SCN2A: variants seen among roughly 807,000 people sequenced by gnomAD.
SCN2A encodes sodium voltage-gated channel alpha subunit 2.
In SCN2A, 20 loss-of-function variants were observed where a neutral mutation model predicts 188.7. The ratio of observed to expected loss-of-function variants is 0.11; its 90% CI spans 0.07 to 0.15. The LOEUF (loss-of-function observed/expected upper bound fraction) is 0.15, where lower values mean the gene tolerates loss of function less well. SCN2A is among the 10% of genes least tolerant of loss of function. The pLI is 1.00. For missense variants in SCN2A, 1,278 were observed against 2,445.0 expected (o/e 0.52, Z 10.07); for synonymous variants, 804 against 833.1 (o/e 0.97, Z 0.60).
intron 18 of SCN2A, 76 bp from the exon 19 acceptor site, chr2:165,367,141 A>G: frequency 1.4e-6 from 2 of 1,403,966 alleles, no homozygotes; most frequent in Admixed American, 3.4e-5. Context: ...AATAATGTAA[A>G]TGAATCTCCC....
intron 1 of SCN2A, among the ~76,000 whole-genome samples, chr2:165,288,730 A>G (rs73969335): frequency 0.022 from 2,150 of 97,086 alleles, 43 homozygotes; most frequent in African/African-American, 0.058. Flanking sequence ...GGATACATAT[A>G]CATGTGTGTG....
intron 1 of SCN2A, among the ~76,000 whole-genome samples, chr2:165,254,082 T>G (rs1251826313): frequency 3.3e-5 from 5 of 151,908 alleles, no homozygotes; most frequent in African/African-American, 1.2e-4. Flanking sequence ...CTTAGTGATA[T>G]ATTGATGTAA....
At chr2:165,320,860 C>G (rs908941293) in intron 11 of SCN2A, among the ~76,000 whole-genome samples, 3 of 152,196 alleles carry the variant, frequency 2.0e-5, no homozygotes, top group African/African-American at 7.2e-5. Flanking sequence ...GCAAAGATCT[C>G]TGACATGCCC....
intron 17 of SCN2A, among the ~76,000 whole-genome samples, chr2:165,357,823 A>G (rs903300305): frequency 6.6e-6 from 1 of 152,160 alleles, no homozygotes; most frequent in African/African-American, 2.4e-5. Flanking sequence ...GTGTTTTTTA[A>G]CCAGCCAGAG....
At chr2:165,375,368 A>AGTGTGT (rs3030660) in intron 22 of SCN2A, among the ~76,000 whole-genome samples, 13 of 149,712 alleles carry the variant, frequency 8.7e-5, no homozygotes, top group East Asian at 2.0e-4. Context: ...GATAAAGAAA[A>AGTGTGT]GTGTGTGTGT....
At chr2:165,355,913 C>CTGAGGCTGAG (rs1700158938) in intron 17 of SCN2A, among the ~76,000 whole-genome samples, 1 of 151,012 alleles carries the variant, frequency 6.6e-6, no homozygotes. Context: ...GCAAGAGAAT[C>CTGAGGCTGAG]GCTTGAACCC....
chr2:165,310,443 A>G lies in SCN2A; in HGVS notation c.818A>G (p.Asn273Ser), dbSNP rs1697366709. ...ATAGGATTGCAGTTGTTCATGGGCA[A>G]CCTACGAAATAAATGTTTGCAATGG... ...ALIGLQLFMG[N>S]LRNKCLQWPP... is the part of the protein sequence containing the mutation. Residue 273 changes from asparagine (N) to serine (S), a missense_variant, in exon 7 of 27, where the codon AAC becomes AGC. Physicochemically the swap from Asn to Ser is conservative, Grantham distance 46. Around this residue, in one of 17 missense-constraint regions of SCN2A, gnomAD observed 37 missense variants for 154.9 expected, o/e 0.24. Transcript: ENST00000375437. 6.2e-7 allele frequency: 1 copy of G among 1,613,692 alleles called. No individual in the cohort carries two copies. Among genetic ancestry groups the G allele is most frequent in the African/African-American group, 1.3e-5 (1 of 75,006 alleles).
At chr2:165,381,069 C>G (rs746961053) in intron 24 of SCN2A, 24 bp from the exon 25 acceptor site, 4 of 1,470,920 alleles carry the variant, frequency 2.7e-6, no homozygotes, top group Admixed American at 1.9e-5. Flanking sequence ...ACAATTTTAA[C>G]AAGTGTTGCT....
intron 13 of SCN2A, chr2:165,328,609 TA>T: frequency 6.2e-6 from 4 of 643,984 alleles, no homozygotes; most frequent in Non-Finnish European, 7.7e-6. Flanking sequence ...AGACATTACT[TA>T]AAAAACCTCA....
At chr2:165,365,323 A>C in intron 18 of SCN2A, 60 bp downstream of exon 18, 1 of 1,584,190 alleles carries the variant, frequency 6.3e-7, no homozygotes, top group Non-Finnish European at 8.7e-7. Flanking sequence ...ATTTTTTCCT[A>C]TTTATTTAAA....
In SCN2A at chr2:165,344,629, G is replaced by A. The variant is rs1490972796; in HGVS notation, c.2637G>A (p.Gly879=). Residue 879 remains glycine, a synonymous_variant, in exon 16 of 27, where the codon GGG becomes GGA. Coordinates refer to ENST00000375437, the MANE Select transcript of SCN2A (RefSeq NM_001040142.2). ...MLIKIIGNSV[G]ALGNLTLVLA... ...TTAAGATCATTGGCAATTCTGTGGG[G>A]GCTCTAGGAAACCTCACCTTGGTAT... 6 of 1,614,002 alleles carry A rather than the reference G, an allele frequency of 3.7e-6. No homozygotes were observed. Among genetic ancestry groups the A allele is most frequent in the South Asian group, 2.2e-5 (2 of 91,072 alleles).
At position 165,323,236 on chromosome 2, in the gene SCN2A, A is replaced by G. The variant is rs754939104; in HGVS notation, c.1752A>G (p.Ala584=). 2 of 1,614,228 alleles carry G rather than the reference A, an allele frequency of 1.2e-6. No homozygotes were observed. The highest frequency in any genetic ancestry group is 1.7e-5 in the Admixed American group (1 of 60,022). The change falls in exon 12 of 27, where the codon GCA becomes GCG. Residue 584 remains alanine, a synonymous_variant. Coordinates refer to ENST00000375437, the MANE Select transcript of SCN2A (RefSeq NM_001040142.2). ...RASLFSFRGR[A]KDIGSENDFA... ...GCCTTTTCAGCTTCAGAGGTCGAGCAAAGGACATTGGCTCTGAGAATGACT... is the reference window on the plus strand; with the variant it reads ...GCCTTTTCAGCTTCAGAGGTCGAGCGAAGGACATTGGCTCTGAGAATGACT...
intron 10 of SCN2A, 82 bp downstream of exon 10, chr2:165,314,190 T>G (rs1272204048): frequency 7.1e-7 from 1 of 1,411,282 alleles, no homozygotes; most frequent in African/African-American, 1.4e-5. Context: ...GGCAAGGTAG[T>G]TGACATTAGA....
At chr2:165,370,038 A>G (rs528420833) in intron 19 of SCN2A, 88 bp from the exon 20 acceptor site, 208 of 1,165,504 alleles carry the variant, frequency 1.8e-4, no homozygotes, top group Admixed American at 3.9e-5. Flanking sequence ...GGCACCTGAT[A>G]AGAGCTTGCA....
At chr2:165,325,463 G>T (rs1018607293) in intron 12 of SCN2A, among the ~76,000 whole-genome samples, 15 of 152,134 alleles carry the variant, frequency 9.9e-5, no homozygotes, top group Admixed American at 2.6e-4. Flanking sequence ...ATAGCTATGG[G>T]CAAATGACAC....
At chr2:165,293,565 A>G (rs1696327693) in intron 1 of SCN2A, among the ~76,000 whole-genome samples, 1 of 152,206 alleles carries the variant, frequency 6.6e-6, no homozygotes, top group Non-Finnish European at 1.5e-5. Flanking sequence ...ACAGTAAAAA[A>G]TATGGTATTA....
chr2:165,368,712 C>G (rs1700861515), intron 19 of SCN2A, among the ~76,000 whole-genome samples: 1 of 152,052 alleles, frequency 6.6e-6, no homozygotes, highest in African/African-American at 2.4e-5. Flanking sequence ...ATGATATGAC[C>G]TATTTTCTTA....
At chr2:165,292,284 T>A (rs1470367321) in intron 1 of SCN2A, among the ~76,000 whole-genome samples, 4 of 152,258 alleles carry the variant, frequency 2.6e-5, no homozygotes, top group African/African-American at 9.6e-5. Flanking sequence ...TTGGGCTACA[T>A]CTTCCCCTTG....
chr2:165,331,860 T>G, intron 14 of SCN2A, among the ~76,000 whole-genome samples: 1 of 152,158 alleles, frequency 6.6e-6, no homozygotes, highest in Non-Finnish European at 1.5e-5. Context: ...GACATATTTT[T>G]AAGAACCTTA....
Sources: allele counts gnomAD v4.1 joint callset (sites outside exome capture counted in the v4.1 genomes callset), GRCh38; gene constraint gnomAD v4.1.1; regional missense constraint gnomAD v4.1.1; transcripts MANE v1.5; gene names NCBI Gene and HGNC (gene_info 2026-07-23, HGNC 2026-07-21).